Variants in GABRR3 observed in about 807,000 individuals in gnomAD.
GABRR3 encodes gamma-aminobutyric acid type A receptor subunit rho3.
A neutral mutation model predicts 43.2 loss-of-function variants in GABRR3; 29 were observed. That is an observed-to-expected ratio of 0.67 (90% CI 0.50 to 0.92). The LOEUF (loss-of-function observed/expected upper bound fraction) is 0.92. Ranked by LOEUF, GABRR3 falls within the 40% of genes least tolerant of loss-of-function variation. The pLI is 0.00. For missense variants in GABRR3, 576 were observed against 572.3 expected (o/e 1.01, Z -0.07); for synonymous variants, 206 against 195.9 (o/e 1.05, Z -0.43).
downstream of GABRR3, among the ~76,000 whole-genome samples, chr3:97,985,279 T>C (rs548966944): frequency 7.9e-4 from 121 of 152,350 alleles, no homozygotes; most frequent in African/African-American, 2.8e-3. Flanking sequence ...TAGGAGGTTT[T>C]CCTACTTAAC....
At chr3:98,023,707 C>A (rs1191501837) in intron 3 of GABRR3, among the ~76,000 whole-genome samples, 6 of 152,074 alleles carry the variant, frequency 3.9e-5, no homozygotes, top group African/African-American at 1.2e-4. Flanking sequence ...TATTTCTAAA[C>A]CTGCTTCATC....
intron 4 of GABRR3, among the ~76,000 whole-genome samples, chr3:98,013,960 G>A (rs1466149395): frequency 1.3e-5 from 2 of 152,182 alleles, no homozygotes; most frequent in Admixed American, 1.3e-4. Context: ...TCAGGAGCAG[G>A]CCAAACAGCA....
intron 7 of GABRR3, 97 bp from the exon 8 acceptor site, chr3:98,001,864 G>A: frequency 1.5e-6 from 2 of 1,340,984 alleles, no homozygotes; most frequent in East Asian, 4.7e-5. Flanking sequence ...CAAGCTCTTG[G>A]GGACACGGAA....
chr3:97,995,918 C>A (rs547541193), intron 8 of GABRR3, among the ~76,000 whole-genome samples: 1 of 152,158 alleles, frequency 6.6e-6, no homozygotes, highest in Non-Finnish European at 1.5e-5. Flanking sequence ...GATGTTGCTA[C>A]GCATAGTTAG....
At chr3:98,029,021 C>A (rs1175470270) in intron 2 of GABRR3, among the ~76,000 whole-genome samples, 12 of 151,822 alleles carry the variant, frequency 7.9e-5, no homozygotes, top group African/African-American at 2.7e-4. Context: ...CCCTCTCCCC[C>A]ATTCTAGAAA....
In GABRR3 at chr3:98,001,426, C is replaced by T. The variant is rs1706639745; in HGVS notation, c.907+189G>A. On this transcript the variant is annotated intron_variant, in intron 8 of 9. Transcript: ENST00000621172. ...AGACTTCATCCCTAAAATCCGGGTT[C>T]CCAAGGAAAGAACTCAATTACAATT... 21 of 589,984 alleles carry T rather than the reference C, an allele frequency of 3.6e-5. No homozygotes were observed. The South Asian group carries it at 5.5e-4, about 15-fold the overall frequency. The allele number at this position is 589,984 out of a possible 1,614,324, so 36.5% of individuals were successfully genotyped here.
At chr3:98,030,200 C>T (rs1432753478) in intron 2 of GABRR3, among the ~76,000 whole-genome samples, 1 of 151,396 alleles carries the variant, frequency 6.6e-6, no homozygotes, top group Non-Finnish European at 1.5e-5. Context: ...AGAAATTCAT[C>T]TCAAGAACTA....
chr3:98,016,407 C>T (rs1706873823), intron 4 of GABRR3, among the ~76,000 whole-genome samples: 1 of 152,130 alleles, frequency 6.6e-6, no homozygotes. Flanking sequence ...CATGTGATGC[C>T]TGCTCCCGTT....
At chr3:98,013,054 T>G (rs1706822842) in intron 4 of GABRR3, among the ~76,000 whole-genome samples, 1 of 152,158 alleles carries the variant, frequency 6.6e-6, no homozygotes, top group Admixed American at 6.5e-5. Flanking sequence ...ATGGATACAG[T>G]GTTTATTAGA....
intron 8 of GABRR3, among the ~76,000 whole-genome samples, chr3:97,995,605 T>G: frequency 6.9e-6 from 1 of 145,730 alleles, no homozygotes; most frequent in African/African-American, 2.5e-5. Context: ...GATGAGTAAT[T>G]AAAAAAAAAA....
At chr3:97,986,937 C>A (rs750880165) in exon 10 of GABRR3, 9 of 1,611,326 alleles carry the variant, frequency 5.6e-6, no homozygotes, top group African/African-American at 1.3e-5. Context: ...TAACAACCAT[C>A]AAAGGCCATA....
At chr3:98,028,612 G>T (rs1227788360) in intron 2 of GABRR3, among the ~76,000 whole-genome samples, 3 of 152,136 alleles carry the variant, frequency 2.0e-5, no homozygotes, top group African/African-American at 4.8e-5. Flanking sequence ...AGAGGGAGAG[G>T]GATGCCTGTA....
chr3:98,002,191 T>C (rs1275851745), intron 7 of GABRR3, among the ~76,000 whole-genome samples: 2 of 152,130 alleles, frequency 1.3e-5, no homozygotes, highest in Non-Finnish European at 2.9e-5. Flanking sequence ...ATTCAGAGTA[T>C]GTACTAGGTC....
At chr3:98,029,060 T>C (rs963643841) in intron 2 of GABRR3, among the ~76,000 whole-genome samples, 9 of 152,310 alleles carry the variant, frequency 5.9e-5, no homozygotes, top group African/African-American at 2.2e-4. Flanking sequence ...TAGCCGCTAC[T>C]GAGAAGAAGC....
At chr3:98,025,254 T>A (rs1489042002) in intron 3 of GABRR3, among the ~76,000 whole-genome samples, 3 of 152,242 alleles carry the variant, frequency 2.0e-5, no homozygotes, top group African/African-American at 7.2e-5. Flanking sequence ...TAAGATTTTA[T>A]AAATAACATG....
intron 1 of GABRR3, 71 bp from the exon 2 acceptor site, chr3:98,035,060 T>C: frequency 1.3e-6 from 2 of 1,523,920 alleles, no homozygotes; most frequent in South Asian, 2.5e-5. Context: ...TTCTTCTTCA[T>C]GTGTCTTTTA....
chr3:98,025,836 T>A (rs1707007999), intron 2 of GABRR3, among the ~76,000 whole-genome samples, 157 bp from the exon 3 acceptor site: 1 of 152,212 alleles, frequency 6.6e-6, no homozygotes, highest in South Asian at 2.1e-4. Flanking sequence ...CTGTCAACAT[T>A]TGTTCTTTAT....
exon 10 of GABRR3, chr3:97,986,904 C>T: frequency 6.2e-7 from 1 of 1,611,588 alleles, no homozygotes; most frequent in Non-Finnish European, 8.5e-7. Flanking sequence ...GAAGTCTGGT[C>T]CATGTCAATC....
intron 9 of GABRR3, among the ~76,000 whole-genome samples, chr3:97,987,225 G>A (rs771237146): frequency 3.9e-5 from 6 of 152,174 alleles, no homozygotes; most frequent in Non-Finnish European, 8.8e-5. Flanking sequence ...AACTGGGGAT[G>A]GGATAGGGAA....
Sources: gnomAD v4.1 joint callset for allele counts (sites outside exome capture counted in the v4.1 genomes callset) on GRCh38, gnomAD v4.1.1 for gene constraint, MANE v1.5 for transcripts, NCBI Gene and HGNC (gene_info 2026-07-23, HGNC 2026-07-21) for gene names.